ARID2: variants seen among roughly 807,000 people sequenced by gnomAD.
ARID2 encodes the protein AT-rich interactive domain-containing protein 2.
Under a neutral mutation model 184.6 loss-of-function variants are expected in ARID2, and 32 were observed. That is an observed-to-expected ratio of 0.17 (90% confidence interval 0.13 to 0.23). The LOEUF is 0.23. Among genes scored for constraint, ARID2 ranks in the 10% least tolerant of loss-of-function variants. The pLI is 1.00. For missense variants in ARID2, 1,696 were observed against 2,197.6 expected, an observed-to-expected ratio of 0.77 and a Z score of 4.56; for synonymous variants, 836 against 772.6, an observed-to-expected ratio of 1.08 and a Z score of -1.36.
intron 3 of ARID2, among the ~76,000 whole-genome samples, chr12:45,745,600 TGC>T (rs1445600996): frequency 1.4e-4 from 22 of 152,220 alleles, no homozygotes; most frequent in Non-Finnish European, 2.8e-4. Flanking sequence ...CAGGCTAGAA[TGC>T]AGTGGCGCAA....
At chr12:45,799,615 TA>T (rs748361212) in intron 3 of ARID2, among the ~76,000 whole-genome samples, 34 of 152,298 alleles carry the variant, frequency 2.2e-4, no homozygotes, top group Middle Eastern at 6.8e-3. Flanking sequence ...TTTGTTGTTA[TA>T]AAAGCAATAG....
intron 3 of ARID2, among the ~76,000 whole-genome samples, chr12:45,779,808 G>C (rs1373478119): frequency 1.3e-5 from 2 of 152,010 alleles, no homozygotes; most frequent in Non-Finnish European, 1.5e-5. Context: ...ATACTGAGAA[G>C]TATTTTTCTA....
intron 3 of ARID2, among the ~76,000 whole-genome samples, chr12:45,744,495 A>G (rs1476568495): frequency 1.3e-5 from 2 of 152,094 alleles, no homozygotes; most frequent in Non-Finnish European, 2.9e-5. Context: ...AGTGTTTCTT[A>G]TGTTCCAAGA....
intron 16 of ARID2, among the ~76,000 whole-genome samples, chr12:45,864,113 T>C (rs1449933109): frequency 6.6e-6 from 1 of 152,124 alleles, no homozygotes; most frequent in East Asian, 1.9e-4. Flanking sequence ...CACCTCAGCC[T>C]CCCAAAGTGC....
chr12:45,849,983 T>C lies in ARID2; in HGVS notation c.1913-53T>C. The C allele has an allele frequency of 5.2e-6, 8 of 1,538,608 alleles. No homozygotes were observed. The South Asian group carries it at 1.0e-4, about 20-fold the overall frequency. On this transcript the variant is annotated intron_variant, in intron 14 of 20. Coordinates refer to ENST00000334344, the MANE Select transcript of ARID2 (RefSeq NM_152641.4). ...TCTCTTAAGTAAAATAATTCCTACTTGGGATTTTCAGTCATTTCATTTGGA... is the reference window on the plus strand; with the variant it reads ...TCTCTTAAGTAAAATAATTCCTACTCGGGATTTTCAGTCATTTCATTTGGA...
At position 45,852,345 on chromosome 12, in the gene ARID2, A is replaced by G. The variant is rs773463172; in HGVS notation, c.4222A>G (p.Lys1408Glu). 1 of 1,614,188 alleles carries G rather than the reference A, an allele frequency of 6.2e-7. No homozygotes were observed. Among genetic ancestry groups the G allele is most frequent in the South Asian group, 1.1e-5 (1 of 91,086 alleles). ...TLDITQQDTA[K>E]GDQLERISNG... ...AGATATCACTCAGCAAGATACTGCCAAAGGTGATCAACTAGAAAGAATTTC... is the reference window on the plus strand; with the variant it reads ...AGATATCACTCAGCAAGATACTGCCGAAGGTGATCAACTAGAAAGAATTTC... The change falls in exon 15 of 21, where the codon AAA becomes GAA. Residue 1408 changes from lysine to glutamate, a missense_variant. This residue lies in a region of ARID2 where 428 missense variants were observed against 409.1 expected (regional missense o/e 1.05). Transcript: ENST00000334344.
intron 3 of ARID2, 54 bp downstream of exon 3, chr12:45,731,368 AT>A: frequency 7.3e-7 from 1 of 1,362,828 alleles, no homozygotes; most frequent in Non-Finnish European, 1.0e-6. Context: ...TTATGGAGAG[AT>A]TTGTTTTTAG....
rs778319872 is a variant in ARID2 at position 45,851,453 on chromosome 12, A to T, written c.3330A>T (p.Gly1110=). 25 of 1,613,994 alleles carry T rather than the reference A, an allele frequency of 1.5e-5. No homozygotes were observed. The highest frequency in any genetic ancestry group is 2.0e-5 in the Non-Finnish European group (24 of 1,180,002). The change falls in exon 15 of 21, where the codon GGA becomes GGT. Residue 1110 remains glycine (G), a synonymous_variant. Coordinates refer to ENST00000334344, the MANE Select transcript of ARID2 (RefSeq NM_152641.4). ...CCAGTAACCAAGCCGCAGGTTTTGG[A>T]GTGCAGGGGCAAACTCCAGCTCAGC... The part of the protein sequence containing the change: ...QVASNQAAGF[G]VQGQTPAQQL...
chr12:45,735,185 T>C (rs910978521), intron 3 of ARID2, among the ~76,000 whole-genome samples: 15 of 152,142 alleles, frequency 9.9e-5, no homozygotes, highest in Admixed American at 2.6e-4. Context: ...GTTAGTTAAA[T>C]TGAATGAATA....
chr12:45,878,947 A>C (rs1944054456), intron 16 of ARID2, among the ~76,000 whole-genome samples: 2 of 152,206 alleles, frequency 1.3e-5, no homozygotes, highest in African/African-American at 4.8e-5. Context: ...CAGAAGCTTC[A>C]GTATTCCCTG....
At chr12:45,881,935 C>A (rs908570175) in intron 16 of ARID2, 2 of 185,216 alleles carry the variant, frequency 1.1e-5, no homozygotes, top group Admixed American at 1.1e-4. Flanking sequence ...GAGGTCACTT[C>A]TTTTTCTTCT....
At chr12:45,835,558 T>C (rs1271069437) in intron 6 of ARID2, among the ~76,000 whole-genome samples, 2 of 152,174 alleles carry the variant, frequency 1.3e-5, no homozygotes, top group African/African-American at 4.8e-5. Flanking sequence ...CTGCTAATAT[T>C]ACTATAGTTC....
intron 16 of ARID2, among the ~76,000 whole-genome samples, chr12:45,869,498 A>G (rs1943885490): frequency 6.6e-6 from 1 of 151,734 alleles, no homozygotes; most frequent in Non-Finnish European, 1.5e-5. Context: ...GTAGTCTTAT[A>G]TTTAGTTGTT....
chr12:45,738,532 A>G (rs1221017394), intron 3 of ARID2, among the ~76,000 whole-genome samples: 1 of 152,060 alleles, frequency 6.6e-6, no homozygotes, highest in Non-Finnish European at 1.5e-5. Flanking sequence ...CTGGTCTACA[A>G]ACTCCTGATC....
chr12:45,828,949 T>C (rs1943057361), intron 6 of ARID2, among the ~76,000 whole-genome samples: 1 of 152,040 alleles, frequency 6.6e-6, no homozygotes, highest in South Asian at 2.1e-4. Flanking sequence ...ACATCAATTT[T>C]TCTGGAAGTT....
intron 3 of ARID2, among the ~76,000 whole-genome samples, chr12:45,803,550 G>A (rs1037347348): frequency 3.9e-5 from 6 of 152,114 alleles, no homozygotes; most frequent in Admixed American, 2.0e-4. Context: ...GTAACAAAAA[G>A]TACAGCATTA....
intron 16 of ARID2, among the ~76,000 whole-genome samples, chr12:45,876,259 C>G (rs927279191): frequency 3.3e-5 from 5 of 152,140 alleles, no homozygotes; most frequent in Non-Finnish European, 4.4e-5. Context: ...TCAAAAGACA[C>G]ATAACATTTG....
chr12:45,807,745 A>G (rs1241588118), intron 3 of ARID2, among the ~76,000 whole-genome samples: 1 of 152,190 alleles, frequency 6.6e-6, no homozygotes, highest in East Asian at 1.9e-4. Context: ...ATACATGATC[A>G]GTTTTAAAAT....
chr12:45,840,397 A>T (rs1162519722), intron 11 of ARID2: 1 of 152,172 alleles, frequency 6.6e-6, no homozygotes, highest in East Asian at 1.9e-4. Flanking sequence ...ACTTATTAGC[A>T]TCTGGACTCA....
Sources: allele counts gnomAD v4.1 joint callset (sites outside exome capture counted in the v4.1 genomes callset), GRCh38; gene constraint gnomAD v4.1.1; regional missense constraint gnomAD v4.1.1; transcripts MANE v1.5; gene names NCBI Gene and HGNC (gene_info 2026-07-23, HGNC 2026-07-21).